The following MYH11 variants were observed in gnomAD, a reference collection of about 807,000 sequenced individuals.
MYH11 encodes myosin-11.
A neutral mutation model predicts 246.6 loss-of-function variants in MYH11; 80 were observed. That is an observed-to-expected ratio of 0.32 (90% CI 0.27 to 0.39). The LOEUF is 0.39. Among genes scored for constraint, MYH11 ranks in the 10% least tolerant of loss-of-function variants. The pLI, the probability that MYH11 is intolerant of heterozygous loss-of-function variation, is 1.00. For missense variants in MYH11, 2,158 were observed against 2,546.8 expected, an observed-to-expected ratio of 0.85 and a Z score of 3.29; for synonymous variants, 1,071 against 1,015.5, an observed-to-expected ratio of 1.05 and a Z score of -1.04.
intron 2 of MYH11, 49 bp downstream of exon 2, chr16:15,837,858 AC>A (rs760111573): frequency 6.5e-7 from 1 of 1,530,408 alleles, no homozygotes; most frequent in Non-Finnish European, 9.1e-7. Context: ...TCTAATGCCT[AC>A]TTTCCTTATG....
chr16:15,833,514 G>T (rs1014556782), intron 2 of MYH11, among the ~76,000 whole-genome samples: 1 of 152,020 alleles, frequency 6.6e-6, no homozygotes, highest in Non-Finnish European at 1.5e-5. Flanking sequence ...CATGCTCCCC[G>T]CCAGGTATGC....
intron 40 of MYH11, among the ~76,000 whole-genome samples, chr16:15,704,730 C>T (rs916413096): frequency 3.9e-5 from 6 of 152,194 alleles, no homozygotes; most frequent in African/African-American, 1.4e-4. Context: ...CTGAGTTTTC[C>T]CCACTGCAGG....
chr16:15,707,347 C>G (rs763935401), intron 40 of MYH11, among the ~76,000 whole-genome samples: 2 of 152,218 alleles, frequency 1.3e-5, no homozygotes, highest in East Asian at 3.9e-4. Context: ...GGATTCTATT[C>G]GTGGACTCAG....
intron 3 of MYH11, among the ~76,000 whole-genome samples, chr16:15,816,420 A>C (rs556517085): frequency 6.9e-4 from 105 of 152,294 alleles, no homozygotes; most frequent in African/African-American, 2.5e-3. Context: ...TTGGGGAAAA[A>C]AAAGGCAATT....
At chr16:15,808,379 A>C (rs2043062341) in intron 3 of MYH11, among the ~76,000 whole-genome samples, 1 of 152,212 alleles carries the variant, frequency 6.6e-6, no homozygotes, top group Non-Finnish European at 1.5e-5. Context: ...TGAGGCACAA[A>C]GTAATAGCCG....
At chr16:15,823,502 G>A (rs2043473262) in intron 2 of MYH11, 91 bp from the exon 3 acceptor site, 3 of 1,518,706 alleles carry the variant, frequency 2.0e-6, no homozygotes, top group Non-Finnish European at 2.7e-6. Flanking sequence ...TAGAGATGGG[G>A]AAACTGGAGC....
At chr16:15,791,343 G>A (rs979780760) in intron 4 of MYH11, 3 of 152,170 alleles carry the variant, frequency 2.0e-5, no homozygotes, top group African/African-American at 4.8e-5. Flanking sequence ...GCAGCCTGTG[G>A]TTTGCCACTG....
intron 8 of MYH11, among the ~76,000 whole-genome samples, chr16:15,774,702 G>A (rs977360123): frequency 6.6e-6 from 1 of 152,180 alleles, no homozygotes; most frequent in African/African-American, 2.4e-5. Context: ...TGATTCTCCT[G>A]CCTCAGCCTC....
intron 3 of MYH11, among the ~76,000 whole-genome samples, chr16:15,819,762 C>T (rs779841389): frequency 7.9e-5 from 12 of 152,244 alleles, no homozygotes; most frequent in South Asian, 2.1e-4. Context: ...CTCTCCCCTG[C>T]GGTCCATGGA....
intron 27 of MYH11, among the ~76,000 whole-genome samples, chr16:15,728,386 A>G (rs1174848014): frequency 6.6e-6 from 1 of 152,190 alleles, no homozygotes; most frequent in Non-Finnish European, 1.5e-5. Flanking sequence ...AAAACCAACA[A>G]CAACGAAAGA....
At chr16:15,774,301 C>T (rs967295618) in intron 8 of MYH11, among the ~76,000 whole-genome samples, 3 of 152,220 alleles carry the variant, frequency 2.0e-5, no homozygotes, top group African/African-American at 4.8e-5. Flanking sequence ...AGAATACAAA[C>T]GGCCCCTGGG....
chr16:15,761,166 A>C lies in MYH11; in HGVS notation c.1130-508T>G, dbSNP rs1343863702. Among the ~76,000 whole-genome samples the C allele has an allele frequency of 3.3e-5, 5 of 152,192 alleles. No individual in the cohort carries two copies. In the East Asian group the frequency reaches 9.7e-4, roughly 29 times the overall value. On this transcript the variant is annotated intron_variant, in intron 10 of 40. Transcript: ENST00000300036. ...CGCTCTGTCGCCCAGGCTGGAGTGC[A>C]GTGGCGCGATCTCAGCTCACTGCAA...
At chr16:15,819,763 G>C (rs746728412) in intron 3 of MYH11, among the ~76,000 whole-genome samples, 3 of 152,100 alleles carry the variant, frequency 2.0e-5, no homozygotes, top group Admixed American at 1.3e-4. Flanking sequence ...TCTCCCCTGC[G>C]GTCCATGGAA....
intron 40 of MYH11, among the ~76,000 whole-genome samples, chr16:15,704,491 G>A (rs1384366321): frequency 6.6e-6 from 1 of 152,198 alleles, no homozygotes; most frequent in Non-Finnish European, 1.5e-5. Context: ...CAAAAACCAA[G>A]CAGGGGATTT....
In MYH11 at chr16:15,703,733, T is replaced by C. The variant is rs1423814204; in HGVS notation, c.*258A>G. The C allele has an allele frequency of 4.9e-5, 24 of 494,530 alleles. No homozygotes were observed. In the Admixed American group the frequency reaches 7.0e-4, roughly 14 times the overall value. 30.6% of individuals were successfully genotyped at this position (494,530 alleles called of 1,614,324 possible). ...CCTCCCTAGTAGCTGGGACCACAGG[T>C]GTGTACCACCACGCCCAGCTTATTT... On this transcript the variant is annotated 3_prime_UTR_variant, in exon 41 of 41. Transcript: ENST00000300036.
At chr16:15,790,062 T>C (rs1041212611) in intron 4 of MYH11, among the ~76,000 whole-genome samples, 3 of 152,212 alleles carry the variant, frequency 2.0e-5, no homozygotes, top group African/African-American at 7.2e-5. Flanking sequence ...CCCGGTACTT[T>C]GGGAGGCTGA....
intron 4 of MYH11, among the ~76,000 whole-genome samples, chr16:15,789,243 C>T (rs141274387): frequency 1.3e-5 from 2 of 152,214 alleles, no homozygotes; most frequent in African/African-American, 4.8e-5. Context: ...TTCCATGACA[C>T]AGGCCCAACC....
chr16:15,755,375 A>G (rs2041683794), intron 14 of MYH11, among the ~76,000 whole-genome samples: 1 of 152,220 alleles, frequency 6.6e-6, no homozygotes, highest in Non-Finnish European at 1.5e-5. Context: ...AGCAAACTCA[A>G]GACCGTGACA....
In MYH11 at chr16:15,741,467, A is replaced by G. The variant is rs372275868; in HGVS notation, c.2855T>C (p.Met952Thr). The change falls in exon 22 of 41, where the codon ATG becomes ACG. Residue 952 changes from methionine to threonine, a missense_variant. Physicochemically the swap from Met to Thr is moderately conservative, Grantham distance 81. Coordinates refer to ENST00000300036, the MANE Select transcript of MYH11 (RefSeq NM_002474.3). ...GCTGCCCCTGTGACACCTTACCAGC[A>G]TCTGCTGGGCCATCTTCTTCCTTTC... ...QAERKKMAQQ[M>T]LDLEEQLEEE... The G allele has an allele frequency of 5.0e-6, 8 of 1,607,586 alleles. No homozygotes were observed. Among genetic ancestry groups the G allele is most frequent in the South Asian group, 2.2e-5 (2 of 91,088 alleles).
Sources: allele counts gnomAD v4.1 joint callset (sites outside exome capture counted in the v4.1 genomes callset), GRCh38; gene constraint gnomAD v4.1.1; transcripts MANE v1.5; gene names NCBI Gene and HGNC (gene_info 2026-07-23, HGNC 2026-07-21).